Variants in SGCZ observed in about 807,000 individuals in gnomAD.
SGCZ encodes zeta-sarcoglycan.
Under a neutral mutation model 41.3 loss-of-function variants are expected in SGCZ, and 40 were observed. That is an observed-to-expected ratio of 0.97 (90% CI 0.75 to 1.26). The LOEUF (loss-of-function observed/expected upper bound fraction) is 1.26, where lower values mean the gene tolerates loss of function less well. SGCZ is among the 50% of genes most tolerant of loss of function. SGCZ has a pLI of 0.00. For missense variants in SGCZ, 552 were observed against 369.8 expected (o/e 1.49, Z -4.04); for synonymous variants, 206 against 137.5 (o/e 1.50, Z -3.49).
At chr8:14,545,746 G>A (rs1027777036) in intron 2 of SGCZ, among the ~76,000 whole-genome samples, 1 of 151,950 alleles carries the variant, frequency 6.6e-6, no homozygotes, top group Non-Finnish European at 1.5e-5. Context: ...CTAGTCTATT[G>A]TACAATATAT....
intron 3 of SGCZ, among the ~76,000 whole-genome samples, chr8:14,314,244 A>C (rs916935868): frequency 4.6e-5 from 7 of 152,042 alleles, no homozygotes; most frequent in African/African-American, 7.2e-5. Flanking sequence ...AGCAACTTCA[A>C]ACTGTCTCCC....
chr8:14,499,035 C>T (rs1442870411), intron 2 of SGCZ, among the ~76,000 whole-genome samples: 1 of 151,760 alleles, frequency 6.6e-6, no homozygotes, highest in East Asian at 1.9e-4. Context: ...TACTATGGTT[C>T]CCACTGGTTT....
intron 2 of SGCZ, among the ~76,000 whole-genome samples, chr8:14,543,427 TA>T (rs33972839): frequency 0.15 from 23,194 of 152,040 alleles, 2,263 homozygotes; most frequent in Non-Finnish European, 0.22. Flanking sequence ...AAATCATTAT[TA>T]CATGATTGGG....
chr8:15,029,032 C>T (rs1009693575), intron 1 of SGCZ, among the ~76,000 whole-genome samples: 7 of 152,058 alleles, frequency 4.6e-5, no homozygotes, highest in Non-Finnish European at 8.8e-5. Flanking sequence ...CTACCTGTTA[C>T]AACATCAATG....
chr8:14,824,379 G>C (rs780140597), intron 1 of SGCZ, among the ~76,000 whole-genome samples: 1 of 152,022 alleles, frequency 6.6e-6, no homozygotes, highest in African/African-American at 2.4e-5. Context: ...TACAATTATA[G>C]TGTGCCACTT....
chr8:14,429,453 G>A (rs1454998378), intron 2 of SGCZ, among the ~76,000 whole-genome samples: 1 of 152,120 alleles, frequency 6.6e-6, no homozygotes, highest in East Asian at 1.9e-4. Flanking sequence ...CAGCAAGGCT[G>A]GGGCAGAGAG....
chr8:15,098,731 T>A (rs1017428109), intron 1 of SGCZ, among the ~76,000 whole-genome samples: 1 of 152,178 alleles, frequency 6.6e-6, no homozygotes, highest in Non-Finnish European at 1.5e-5. Flanking sequence ...TGGTACTCAA[T>A]AAATACTTGA....
intron 1 of SGCZ, among the ~76,000 whole-genome samples, chr8:14,676,704 A>G (rs1344017786): frequency 6.6e-6 from 1 of 152,248 alleles, no homozygotes; most frequent in Non-Finnish European, 1.5e-5. Flanking sequence ...ATAAAAATCA[A>G]CTAATAAAAA....
intron 3 of SGCZ, among the ~76,000 whole-genome samples, chr8:14,254,739 T>C (rs543161072): frequency 6.9e-6 from 1 of 144,068 alleles, no homozygotes; most frequent in East Asian, 1.9e-4. Flanking sequence ...GTGAAAGACA[T>C]CGTGTCGTCT....
intron 1 of SGCZ, among the ~76,000 whole-genome samples, chr8:15,223,596 G>A (rs1238604450): frequency 1.3e-5 from 2 of 152,040 alleles, no homozygotes; most frequent in Non-Finnish European, 2.9e-5. Context: ...TAAAATTCTG[G>A]TCAGACACCA....
Position 15,237,703 on chromosome 8 carries a change from A to G in SGCZ, c.-80T>C. The stretch of plus-strand genomic sequence containing the variant: ...TCTAGTCTTTTAGTTTCCAGCTTAA[A>G]CTCAGCTTTATCCTCCTCCAAGCCC... On this transcript the variant is annotated 5_prime_UTR_variant, in exon 1 of 8. Transcript: ENST00000382080. 6.7e-7 allele frequency: 1 copy of G among 1,495,084 alleles called. No homozygotes were observed. The highest frequency in any genetic ancestry group is 9.1e-7 in the Non-Finnish European group (1 of 1,097,042). The allele number at this position is 1,495,084 out of a possible 1,614,324, so 92.6% of individuals were successfully genotyped here. A position where few individuals can be genotyped will look rare whatever the true frequency, so the allele number is the denominator to read the frequency against.
chr8:14,404,229 T>A (rs561442368), intron 2 of SGCZ, among the ~76,000 whole-genome samples: 2 of 152,326 alleles, frequency 1.3e-5, no homozygotes, highest in East Asian at 3.9e-4. Flanking sequence ...TTTGTTTTTT[T>A]AATCACATAA....
intron 1 of SGCZ, among the ~76,000 whole-genome samples, chr8:14,656,275 C>A (rs1466963765): frequency 6.6e-6 from 1 of 152,008 alleles, no homozygotes; most frequent in African/African-American, 2.4e-5. Context: ...TTGTTTTAGC[C>A]ATTCTGATAA....
intron 7 of SGCZ, among the ~76,000 whole-genome samples, chr8:14,095,087 C>G (rs1165831339): frequency 3.3e-5 from 5 of 152,084 alleles, no homozygotes; most frequent in African/African-American, 9.7e-5. Context: ...CCTATTCACT[C>G]TGATGATAGT....
intron 3 of SGCZ, among the ~76,000 whole-genome samples, chr8:14,297,045 C>T (rs1479630122): frequency 3.9e-5 from 6 of 152,176 alleles, no homozygotes; most frequent in African/African-American, 1.4e-4. Context: ...TCTCAGCATC[C>T]TGAGTAGTGA....
chr8:14,210,690 A>T (rs986712727), intron 4 of SGCZ, among the ~76,000 whole-genome samples: 18 of 148,468 alleles, frequency 1.2e-4, no homozygotes, highest in Non-Finnish European at 2.5e-4. Context: ...TGTTCTTGAT[A>T]TCCTGACCTC....
chr8:14,630,746 T>A (rs1806621030), intron 1 of SGCZ, among the ~76,000 whole-genome samples: 1 of 151,592 alleles, frequency 6.6e-6, no homozygotes, highest in Non-Finnish European at 1.5e-5. Context: ...CTGGAAACCA[T>A]CATTCTGAGC....
intron 1 of SGCZ, among the ~76,000 whole-genome samples, chr8:15,202,719 T>A (rs1800928584): frequency 6.6e-6 from 1 of 152,182 alleles, no homozygotes; most frequent in African/African-American, 2.4e-5. Flanking sequence ...ATTTTACATA[T>A]ATTTCTGAAT....
intron 2 of SGCZ, among the ~76,000 whole-genome samples, chr8:14,504,533 C>T (rs1041848911): frequency 6.6e-6 from 1 of 152,150 alleles, no homozygotes; most frequent in Non-Finnish European, 1.5e-5. Flanking sequence ...TTATTATCTA[C>T]CTGTTGTCAC....
Sources: gnomAD v4.1 joint callset for allele counts (sites outside exome capture counted in the v4.1 genomes callset) on GRCh38, gnomAD v4.1.1 for gene constraint, MANE v1.5 for transcripts, NCBI Gene and HGNC (gene_info 2026-07-23, HGNC 2026-07-21) for gene names.